Variants in CGGBP1 observed in about 807,000 individuals in gnomAD.
CGGBP1 encodes CGG triplet repeat-binding protein 1.
A neutral mutation model predicts 11.4 loss-of-function variants in CGGBP1; 4 were observed. The ratio of observed to expected loss-of-function variants is 0.35; its 90% CI spans 0.17 to 0.80. The LOEUF (loss-of-function observed/expected upper bound fraction) is 0.80. Among genes scored for constraint, CGGBP1 ranks in the 30% least tolerant of loss-of-function variants. The pLI is 0.52. For missense variants in CGGBP1, 135 were observed against 202.1 expected (o/e 0.67, Z 2.01); for synonymous variants, 76 against 74.1 (o/e 1.03, Z -0.13).
chr3:88,090,099 T>A (rs1157680977), intron 2 of CGGBP1, among the ~76,000 whole-genome samples: 5 of 152,230 alleles, frequency 3.3e-5, no homozygotes, highest in African/African-American at 1.2e-4. Context: ...TATTATTGAT[T>A]TATGTACATG....
intron 2 of CGGBP1, among the ~76,000 whole-genome samples, chr3:88,067,900 A>G (rs1014696170): frequency 1.4e-5 from 2 of 147,682 alleles, no homozygotes; most frequent in African/African-American, 5.0e-5. Flanking sequence ...TTTTTTTTTT[A>G]GTAAATTGGT....
chr3:88,100,632 A>G (rs902642730), intron 2 of CGGBP1, among the ~76,000 whole-genome samples: 7 of 152,198 alleles, frequency 4.6e-5, no homozygotes, highest in African/African-American at 1.4e-4. Flanking sequence ...ATGCAGCCAT[A>G]AAAAGGATGA....
At chr3:88,148,964 A>G (rs1707358516) in intron 1 of CGGBP1, among the ~76,000 whole-genome samples, 1 of 152,136 alleles carries the variant, frequency 6.6e-6, no homozygotes, top group South Asian at 2.1e-4. Context: ...AACAAAGTTA[A>G]ATTTGCTCAC....
At chr3:88,090,077 C>T (rs1453452126) in intron 2 of CGGBP1, among the ~76,000 whole-genome samples, 2 of 152,080 alleles carry the variant, frequency 1.3e-5, no homozygotes, top group Non-Finnish European at 2.9e-5. Flanking sequence ...TAATACTTGA[C>T]AGTGATAATT....
intron 2 of CGGBP1, among the ~76,000 whole-genome samples, chr3:88,078,172 A>T (rs1207393130): frequency 2.0e-5 from 3 of 152,188 alleles, no homozygotes; most frequent in Admixed American, 2.0e-4. Context: ...TTCCTCTTGG[A>T]TGGAATTAAT....
intron 2 of CGGBP1, among the ~76,000 whole-genome samples, chr3:88,138,450 T>TG (rs11456258): frequency 0.78 from 119,056 of 151,952 alleles, 47,568 homozygotes; most frequent in South Asian, 0.91. Flanking sequence ...TTATGGATAG[T>TG]GGGCTTGTCA....
At chr3:88,138,656 C>T in intron 2 of CGGBP1, 1 of 1,135,254 alleles carries the variant, frequency 8.8e-7, no homozygotes, top group Non-Finnish European at 1.1e-6. Flanking sequence ...CTAGTATAAC[C>T]ATTTTTTTGG....
chr3:88,098,348 C>T (rs1704189581), intron 2 of CGGBP1, among the ~76,000 whole-genome samples: 1 of 152,070 alleles, frequency 6.6e-6, no homozygotes, highest in Non-Finnish European at 1.5e-5. Flanking sequence ...AATAGCTTAC[C>T]AACCAAAAAG....
chr3:88,118,743 A>G (rs1705568072), intron 2 of CGGBP1, among the ~76,000 whole-genome samples: 1 of 152,212 alleles, frequency 6.6e-6, no homozygotes, highest in African/African-American at 2.4e-5. Flanking sequence ...CGAATTTTCA[A>G]AACTGTGCTA....
At chr3:88,059,169 G>A (rs1576164767), upstream of CGGBP1, 9 of 1,395,538 alleles carry the variant, frequency 6.4e-6, no homozygotes, top group East Asian at 2.3e-4. Context: ...GTGGGTGGGC[G>A]GAGCCGGAAG....
At chr3:88,083,737 T>C (rs563407570) in intron 2 of CGGBP1, among the ~76,000 whole-genome samples, 3 of 152,266 alleles carry the variant, frequency 2.0e-5, no homozygotes, top group South Asian at 2.1e-4. Flanking sequence ...ACTATTCTTA[T>C]TTGTTTTAGC....
intron 2 of CGGBP1, among the ~76,000 whole-genome samples, chr3:88,075,899 A>G (rs1427110386): frequency 6.6e-6 from 1 of 152,196 alleles, no homozygotes; most frequent in Non-Finnish European, 1.5e-5. Context: ...ATCTGACTTA[A>G]GAAAAAAATC....
chr3:88,079,090 A>G (rs539778291), intron 2 of CGGBP1, among the ~76,000 whole-genome samples: 1 of 152,224 alleles, frequency 6.6e-6, no homozygotes, highest in East Asian at 1.9e-4. Context: ...TCAACTATAA[A>G]AAGTTATTGG....
At chr3:88,110,139 T>C (rs1705000933) in intron 2 of CGGBP1, among the ~76,000 whole-genome samples, 1 of 152,156 alleles carries the variant, frequency 6.6e-6, no homozygotes, top group Admixed American at 6.6e-5. Context: ...GTGCCAGGAA[T>C]TGTGCCAAGT....
intron 2 of CGGBP1, among the ~76,000 whole-genome samples, chr3:88,071,044 T>A (rs978167275): frequency 7.2e-5 from 11 of 152,184 alleles, no homozygotes; most frequent in Admixed American, 2.0e-4. Context: ...ATTCATCGGT[T>A]CTCAATTTAT....
chr3:88,077,936 G>T (rs1707901068), intron 2 of CGGBP1, among the ~76,000 whole-genome samples: 1 of 152,086 alleles, frequency 6.6e-6, no homozygotes, highest in Non-Finnish European at 1.5e-5. Flanking sequence ...TTGTATATAT[G>T]TTGAATTTTA....
At chr3:88,075,989 G>T (rs1239239317) in intron 2 of CGGBP1, among the ~76,000 whole-genome samples, 1 of 152,086 alleles carries the variant, frequency 6.6e-6, no homozygotes, top group Non-Finnish European at 1.5e-5. Flanking sequence ...TTACTTCCCT[G>T]AGACCTAACT....
chr3:88,142,879 AAT>A (rs1470858888), intron 1 of CGGBP1: 1 of 152,316 alleles, frequency 6.6e-6, no homozygotes, highest in Non-Finnish European at 1.5e-5. Flanking sequence ...ATTTTAACTT[AAT>A]AAAGTGTTAA....
chr3:88,124,569 C>A (rs1328400302), intron 2 of CGGBP1, among the ~76,000 whole-genome samples: 1 of 152,180 alleles, frequency 6.6e-6, no homozygotes, highest in Admixed American at 6.5e-5. Flanking sequence ...AAGAATATGA[C>A]AGTTTAATAA....
Sources: allele counts gnomAD v4.1 joint callset (sites outside exome capture counted in the v4.1 genomes callset), GRCh38; gene constraint gnomAD v4.1.1; transcripts MANE v1.5; gene names NCBI Gene and HGNC (gene_info 2026-07-23, HGNC 2026-07-21).